TH: variants seen among roughly 807,000 people sequenced by gnomAD.
TH encodes the protein tyrosine 3-monooxygenase.
In TH, 49 loss-of-function variants were observed where a neutral mutation model predicts 57.4. The observed-to-expected ratio is 0.85, with a 90% confidence interval of 0.68 to 1.08. The LOEUF is 1.08. TH is among the 50% of genes least tolerant of loss of function. The pLI, the probability that TH is intolerant of heterozygous loss-of-function variation, is 0.00. For synonymous variants in TH, 330 were observed against 304.5 expected (o/e 1.08, Z -0.87); for missense variants, 720 against 696.7 (o/e 1.03, Z -0.38).
chr11:2,168,122 T>C lies in TH; in HGVS notation c.545A>G (p.Lys182Arg). The part of the protein sequence containing the change: ...ELDKCHHLVT[K>R]FDPDLDLDHP... ...GTCCAAGTCCAGGTCAGGGTCGAAC[T>C]TGGTGACCAGGTGATGACACTTGTC... Residue 182 changes from lysine to arginine, a missense_variant, in exon 4 of 13, where the codon AAG becomes AGG. Transcript: ENST00000352909. The C allele has an allele frequency of 5.6e-6, 9 of 1,613,574 alleles. No individual in the cohort carries two copies. The highest frequency in any genetic ancestry group is 6.8e-6 in the Non-Finnish European group (8 of 1,180,016).
In TH at chr11:2,170,733, G is replaced by A. The variant is rs1423117513; in HGVS notation, c.91-862C>T. On this transcript the variant is annotated intron_variant, in intron 1 of 12. Coordinates refer to ENST00000352909, the MANE Select transcript of TH (RefSeq NM_000360.4). This position sits in a 1 kb window ranked among gnomAD's most constrained non-coding sequence, Gnocchi z 6.0. ...GGATGCAGCTGGGGCTGCAGTTCCA[G>A]GCCACGGAGAGCCTGTGAGGCTGGG... 6.2e-7 allele frequency: 1 copy of A among 1,600,566 alleles called. No homozygotes were observed. Among genetic ancestry groups the A allele is most frequent in the Non-Finnish European group, 8.5e-7 (1 of 1,176,130 alleles).
At position 2,170,845 on chromosome 11, in the gene TH, C is replaced by G; in HGVS notation, c.90+852G>C. 1.5e-6 allele frequency: 1 copy of G among 645,986 alleles called. No homozygotes were observed. Among genetic ancestry groups the G allele is most frequent in the South Asian group, 1.8e-5 (1 of 54,566 alleles). The allele number at this position is 645,986 out of a possible 1,614,324, so 40.0% of individuals were successfully genotyped here. A position where few individuals can be genotyped will look rare whatever the true frequency, so the allele number is the denominator to read the frequency against. On this transcript the variant is annotated intron_variant, in intron 1 of 12. Coordinates refer to ENST00000352909, the MANE Select transcript of TH (RefSeq NM_000360.4). The surrounding 1 kb of genome is among the most constrained non-coding windows in gnomAD (Gnocchi z 6.0). ...GGCGGGGGAGGACGGGGGAGGGCGC[C>G]CTGTGTCCCTGAGAAGGTACCTGGA...
At chr11:2,168,261 C>G (rs1057198007) in intron 3 of TH, 82 bp from the exon 4 acceptor site, 1 of 1,507,442 alleles carries the variant, frequency 6.6e-7, no homozygotes, top group Non-Finnish European at 9.2e-7. Context: ...GCCTCCCCTA[C>G]AAGACTTCCG....
At position 2,171,244 on chromosome 11, in the gene TH, C is replaced by T. The variant is rs79373318; in HGVS notation, c.90+453G>A. 0.03 allele frequency among the ~76,000 whole-genome samples: 4,524 copies of T among 152,004 alleles called. 211 individuals carry two copies. The highest frequency in any genetic ancestry group is 0.1 in the African/African-American group (4,253 of 41,400). On this transcript the variant is annotated intron_variant, in intron 1 of 12. Coordinates refer to ENST00000352909, the MANE Select transcript of TH (RefSeq NM_000360.4). The surrounding 1 kb of genome is among the most constrained non-coding windows in gnomAD (Gnocchi z 8.6). ...CTAGAGCCTGGGAAGGGCCTTGGGG[C>T]TGCCTCCCCAAGCAGGCAGGCTGGT...
chr11:2,167,054 GC>G (rs1564918347), intron 6 of TH, 22 bp from the exon 7 acceptor site: 1 of 1,565,690 alleles, frequency 6.4e-7, no homozygotes, highest in South Asian at 1.2e-5. Flanking sequence ...CAGGCTCAGG[GC>G]CCTCTAATGC....
In TH at chr11:2,165,763, G is replaced by C; in HGVS notation, c.1105C>G (p.Leu369Val). ...SDEEIEKLST[L>V]YWFTVEFGLC... ...CCGAACTCCACCGTGAACCAGTACA[G>C]CTGCGGGGAAGCCGGGCAGCATCAG... Residue 369 changes from leucine (L) to valine (V), a missense_variant and splice_region_variant, in exon 11 of 13, where the codon CTG becomes GTG. By Grantham distance (32) the Leu-to-Val change is conservative. Transcript: ENST00000352909. 6.2e-7 allele frequency: 1 copy of C among 1,612,194 alleles called. No individual in the cohort carries two copies. Among genetic ancestry groups the C allele is most frequent in the Non-Finnish European group, 8.5e-7 (1 of 1,179,770 alleles).
In TH at chr11:2,166,916, TG is replaced by T; in HGVS notation, c.811del (p.Gln271SerfsTer9). 1 of 1,603,990 alleles carries T rather than the reference TG, an allele frequency of 6.2e-7. No homozygotes were observed. Among genetic ancestry groups the T allele is most frequent in the Non-Finnish European group, 8.5e-7 (1 of 1,176,400 alleles). On this transcript the variant is annotated frameshift_variant, in exon 7 of 13. Transcript: ENST00000352909. LOFTEE classifies it high-confidence loss of function. ...CAGGAAGCGGGAGACGTCCTCCAGC[TG>T]GGGGATATTGTCTTCCCGGTAGCCG... ...FSGYREDNIP[Q>X]LEDVSRFLKE...
In TH at chr11:2,168,500, CCGCGGGGCTG is replaced by C; in HGVS notation, c.468_477del (p.Ser157GlyfsTer46). 6.2e-7 allele frequency: 1 copy of C among 1,612,324 alleles called. No homozygotes were observed. Among genetic ancestry groups the C allele is most frequent in the Non-Finnish European group, 8.5e-7 (1 of 1,179,842 alleles). On this transcript the variant is annotated frameshift_variant, in exon 3 of 13. Transcript: ENST00000352909. LOFTEE classifies it high-confidence loss of function. ...CAGAAAACCGCCTCACCCTTGGGCC[CCGCGGGGCTG>C]CGCACGTCCTCTGACACCTGGCGCA... is the stretch of plus-strand genomic sequence containing the variant.
Position 2,166,515 on chromosome 11 carries a change from T to C in TH, c.1012A>G (p.Met338Val). The C allele has an allele frequency of 6.2e-7, 1 of 1,600,948 alleles. No individual in the cohort carries two copies. Among genetic ancestry groups the C allele is most frequent in the Non-Finnish European group, 8.5e-7 (1 of 1,177,278 alleles). ...TGCGCGAAGGTGCGGTCGGCCAGCA[T>C]GGGCACGTGCCCCAGCAGCTCGTGG... ...CCHELLGHVP[M>V]LADRTFAQFS... is the part of the protein sequence containing the mutation. The change falls in exon 9 of 13, where the codon ATG becomes GTG. Residue 338 changes from methionine to valine, a missense_variant. By Grantham distance (21) the Met-to-Val change is conservative. Transcript: ENST00000352909.
At chr11:2,165,915 G>T in intron 10 of TH, 87 bp downstream of exon 10, 1 of 1,507,146 alleles carries the variant, frequency 6.6e-7, no homozygotes, top group Non-Finnish European at 9.0e-7. Flanking sequence ...TGGAAGGAGA[G>T]GCCTCAGCCT....
At chr11:2,165,937 G>C (rs935043063) in intron 10 of TH, 65 bp downstream of exon 10, 9 of 1,532,038 alleles carry the variant, frequency 5.9e-6, no homozygotes, top group South Asian at 1.2e-5. Flanking sequence ...GACGGCAAGA[G>C]GGTGAGGCCT....
rs1846127784 is a variant in TH at position 2,167,374 on chromosome 11, C to G, written c.695+61G>C. ...GTCCCTGGAGGCGGCCCTCACACGCCAGGATTCCAGGAGGCATCCCCCGGG... is the reference window on the plus strand; with the variant it reads ...GTCCCTGGAGGCGGCCCTCACACGCGAGGATTCCAGGAGGCATCCCCCGGG... On this transcript the variant is annotated intron_variant, in intron 6 of 12. Transcript: ENST00000352909. The G allele has an allele frequency of 2.0e-6, 3 of 1,535,372 alleles. No homozygotes were observed. The South Asian group carries it at 3.6e-5, about 18-fold the overall frequency.
rs925333270 is a variant in TH, at chr11:2,171,354, C to A, written c.90+343G>T. ...GGGGCTGGGTGCAGCAGCCGGGGAC[C>A]TCTGGCCATCTTGGATTTTTTGGAT... On this transcript the variant is annotated intron_variant, in intron 1 of 12. Transcript: ENST00000352909. The surrounding 1 kb of genome is among the most constrained non-coding windows in gnomAD (Gnocchi z 8.6). 1.3e-5 allele frequency among the ~76,000 whole-genome samples: 2 copies of A among 151,946 alleles called. No homozygotes were observed. Among genetic ancestry groups the A allele is most frequent in the African/African-American group, 4.8e-5 (2 of 41,328 alleles).
At chr11:2,168,415 G>T in intron 3 of TH, 76 bp downstream of exon 3, 2 of 1,583,210 alleles carry the variant, frequency 1.3e-6, no homozygotes, top group Admixed American at 1.7e-5. Flanking sequence ...TCACTGTAGG[G>T]TCCCCCTGCA....
intron 5 of TH, 139 bp from the exon 6 acceptor site, chr11:2,167,624 C>A: frequency 8.5e-7 from 1 of 1,174,992 alleles, no homozygotes; most frequent in Non-Finnish European, 1.2e-6. Context: ...CAGGAGGGTG[C>A]ACCCCAGCTG....
chr11:2,166,949 C>G lies in TH; in HGVS notation c.779G>C (p.Arg260Pro). ...ATTGTCTTCCCGGTAGCCGCTGAAGCGCTCCAGCAAAGCAAAGGCCTCCAG... is the reference window on the plus strand; with the variant it reads ...ATTGTCTTCCCGGTAGCCGCTGAAGGGCTCCAGCAAAGCAAAGGCCTCCAG... ...EHLEAFALLE[R>P]FSGYREDNIP... The change falls in exon 7 of 13, where the codon CGC becomes CCC. Residue 260 changes from arginine to proline, a missense_variant. Physicochemically the swap from Arg to Pro is moderately radical, Grantham distance 103 (BLOSUM62 -2). Coordinates refer to ENST00000352909, the MANE Select transcript of TH (RefSeq NM_000360.4). The G allele has an allele frequency of 1.3e-6, 2 of 1,597,324 alleles. No individual in the cohort carries two copies. The highest frequency in any genetic ancestry group is 1.7e-6 in the Non-Finnish European group (2 of 1,172,914).
chr11:2,164,326 G>A lies in TH; in HGVS notation c.1401C>T (p.Asp467=), dbSNP rs3842724. 5.0e-3 allele frequency: 7,663 copies of A among 1,540,704 alleles called. 238 individuals carry two copies. In the African/African-American group the frequency reaches 0.079, roughly 16 times the overall value. ...GCACGGCCTGGGGGCTGTCCAGCAC[G>A]TCGATGGCCAGCGTGTACGGGTCGA... ...VKFDPYTLAI[D]VLDSPQAVRR... Residue 467 remains aspartate, a synonymous_variant, in exon 13 of 13, where the codon GAC becomes GAT. Coordinates refer to ENST00000352909, the MANE Select transcript of TH (RefSeq NM_000360.4).
At chr11:2,165,102 G>A in intron 12 of TH, 130 bp downstream of exon 12, 1 of 1,389,658 alleles carries the variant, frequency 7.2e-7, no homozygotes. Context: ...GGGGGCTGCT[G>A]CAACCAGGGG....
At position 2,166,004 on chromosome 11, in the gene TH, T is replaced by TG; in HGVS notation, c.1101dup (p.Thr368HisfsTer13). 1.3e-6 allele frequency: 2 copies of TG among 1,561,220 alleles called. No homozygotes were observed. Among genetic ancestry groups the TG allele is most frequent in the Non-Finnish European group, 1.7e-6 (2 of 1,153,038 alleles). On this transcript the variant is annotated frameshift_variant, in exon 10 of 13. Coordinates refer to ENST00000352909, the MANE Select transcript of TH (RefSeq NM_000360.4). LOFTEE classifies it high-confidence loss of function. The stretch of plus-strand genomic sequence containing the variant: ...CCTGCAGGGAGGGGTCAACCCACCG[T>TG]GGACAGCTTCTCAATTTCCTCATCC...
Sources: allele counts gnomAD v4.1 joint callset (sites outside exome capture counted in the v4.1 genomes callset), GRCh38; gene constraint gnomAD v4.1.1; non-coding constraint Gnocchi (gnomAD v3.1); transcripts MANE v1.5; gene names NCBI Gene and HGNC (gene_info 2026-07-23, HGNC 2026-07-21).